Variants in ELAPOR2 observed in about 807,000 individuals in gnomAD.
ELAPOR2 encodes endosome/lysosome-associated apoptosis and autophagy regulator family member 2.
Under a neutral mutation model 120.7 loss-of-function variants are expected in ELAPOR2, and 89 were observed. The observed-to-expected ratio is 0.74, with a 90% CI of 0.62 to 0.88. The LOEUF is 0.88. Among genes scored for constraint, ELAPOR2 ranks in the 40% least tolerant of loss-of-function variants. ELAPOR2 has a pLI of 0.00. For missense variants in ELAPOR2, 1,134 were observed against 1,251.6 expected (o/e 0.91, Z 1.42); for synonymous variants, 444 against 444.9 (o/e 1.00, Z 0.03).
At chr7:87,002,340 T>C (rs1286838689) in intron 1 of ELAPOR2, among the ~76,000 whole-genome samples, 1 of 152,058 alleles carries the variant, frequency 6.6e-6, no homozygotes, top group Non-Finnish European at 1.5e-5. Context: ...GAGAAAGCAA[T>C]GGGGTAGAGG....
chr7:86,964,762 G>T, intron 2 of ELAPOR2, 142 bp downstream of exon 2: 1 of 731,664 alleles, frequency 1.4e-6, no homozygotes, highest in Non-Finnish European at 2.2e-6. Context: ...GATGAGAAAG[G>T]CTGCATTTAT....
intron 1 of ELAPOR2, among the ~76,000 whole-genome samples, chr7:87,023,937 G>C (rs1433332072): frequency 2.6e-5 from 4 of 152,198 alleles, no homozygotes; most frequent in Non-Finnish European, 5.9e-5. Context: ...CTTTGCTGAA[G>C]TTGCTTATCA....
intron 1 of ELAPOR2, among the ~76,000 whole-genome samples, chr7:86,987,136 T>C (rs1165445971): frequency 7.2e-5 from 11 of 152,258 alleles, no homozygotes; most frequent in African/African-American, 2.4e-4. Context: ...GAAAACTGGG[T>C]AGTCATATGT....
chr7:87,022,311 C>T (rs569779171), intron 1 of ELAPOR2, among the ~76,000 whole-genome samples: 26 of 146,610 alleles, frequency 1.8e-4, no homozygotes, highest in South Asian at 1.5e-3. Context: ...GTCCCACCTA[C>T]GAGTGAGAAC....
At chr7:86,925,408 G>T in intron 10 of ELAPOR2, 120 bp downstream of exon 10, 1 of 984,396 alleles carries the variant, frequency 1.0e-6, no homozygotes. Context: ...TGGGCAAGCA[G>T]CCAAATGATA....
At chr7:87,007,213 ACAAAT>A (rs1212179096) in intron 1 of ELAPOR2, among the ~76,000 whole-genome samples, 1 of 152,202 alleles carries the variant, frequency 6.6e-6, no homozygotes, top group Non-Finnish European at 1.5e-5. Flanking sequence ...AAAAAAGTAA[ACAAAT>A]ACAGAACCCT....
At chr7:87,050,204 G>A (rs1306497070) in intron 1 of ELAPOR2, among the ~76,000 whole-genome samples, 1 of 152,134 alleles carries the variant, frequency 6.6e-6, no homozygotes, top group African/African-American at 2.4e-5. Flanking sequence ...GCTTCATGGA[G>A]GTCAGATTAG....
At chr7:86,884,211 T>C (rs1799580289) in intron 21 of ELAPOR2, among the ~76,000 whole-genome samples, 1 of 152,172 alleles carries the variant, frequency 6.6e-6, no homozygotes, top group Non-Finnish European at 1.5e-5. Context: ...AAGAAAACTT[T>C]TTTATACTCT....
chr7:86,924,921 A>G (rs1789998959), intron 10 of ELAPOR2, among the ~76,000 whole-genome samples: 1 of 152,084 alleles, frequency 6.6e-6, no homozygotes, highest in Non-Finnish European at 1.5e-5. Flanking sequence ...ACCTACCCGT[A>G]GCATAAAGTT....
Position 86,912,948 on chromosome 7 carries a change from T to C in ELAPOR2, c.1988A>G (p.Asn663Ser). The C allele has an allele frequency of 1.2e-6, 2 of 1,613,832 alleles. No individual in the cohort carries two copies. The highest frequency in any genetic ancestry group is 1.7e-6 in the Non-Finnish European group (2 of 1,179,796). The change falls in exon 14 of 22, where the codon AAC (asparagine) becomes AGC (serine). Residue 663 changes from asparagine (N) to serine (S), a missense_variant. Physicochemically the swap from Asn to Ser is conservative, Grantham distance 46. Coordinates refer to ENST00000450689, the MANE Select transcript of ELAPOR2 (RefSeq NM_001142749.3). Reference protein sequence around the residue: ...ACIPCGPGSKNNQDHSVCYSD... With the variant: ...ACIPCGPGSKSNQDHSVCYSD... ...AAATGCAGACCCACTTACCTGATTG[T>C]TTTTACTCCCAGGCCCGCATGGAAT...
intron 1 of ELAPOR2, among the ~76,000 whole-genome samples, chr7:86,971,146 T>C (rs1792096435): frequency 6.6e-6 from 1 of 152,140 alleles, no homozygotes; most frequent in African/African-American, 2.4e-5. Flanking sequence ...CAAACCTAGA[T>C]CCCAACCTCA....
At chr7:87,012,134 G>A (rs187336002) in intron 1 of ELAPOR2, among the ~76,000 whole-genome samples, 23 of 152,204 alleles carry the variant, frequency 1.5e-4, no homozygotes, top group Non-Finnish European at 2.5e-4. Flanking sequence ...ATATCTGGCC[G>A]GGCGTGGTGG....
In ELAPOR2 at chr7:86,942,070, G is replaced by A; in HGVS notation, c.689C>T (p.Thr230Ile). 1 of 1,549,230 alleles carries A rather than the reference G, an allele frequency of 6.5e-7. No individual in the cohort carries two copies. Among genetic ancestry groups the A allele is most frequent in the Non-Finnish European group, 8.7e-7 (1 of 1,144,982 alleles). ...QNDQCQEMDTTTDKWVKLTDN... is the reference protein window; with the variant it reads ...QNDQCQEMDTITDKWVKLTDN... ...TGTAAGTTTTACCCACTTGTCAGTG[G>A]TGGTGTCCATCTCCTGGCACTGATC... The change falls in exon 5 of 22, where the codon ACC becomes ATC. Residue 230 changes from threonine to isoleucine, a missense_variant. Physicochemically the swap from Thr to Ile is moderately conservative, Grantham distance 89. Around this residue, in one of 3 missense-constraint regions of ELAPOR2, gnomAD observed 280 missense variants for 331.5 expected, o/e 0.84. Coordinates refer to ENST00000450689, the MANE Select transcript of ELAPOR2 (RefSeq NM_001142749.3).
intron 1 of ELAPOR2, among the ~76,000 whole-genome samples, chr7:87,020,672 T>C (rs1794009675): frequency 6.6e-6 from 1 of 152,106 alleles, no homozygotes. Context: ...TGGAGATGTT[T>C]TGGAGTGTTA....
At chr7:86,914,137 A>T (rs903109163) in intron 13 of ELAPOR2, among the ~76,000 whole-genome samples, 3 of 152,190 alleles carry the variant, frequency 2.0e-5, no homozygotes, top group Non-Finnish European at 4.4e-5. Context: ...GGAAGGTTAC[A>T]TCTATAGAGA....
intron 21 of ELAPOR2, among the ~76,000 whole-genome samples, chr7:86,889,927 C>T (rs1343882559): frequency 6.6e-6 from 1 of 151,772 alleles, no homozygotes; most frequent in African/African-American, 2.4e-5. Flanking sequence ...GAGTCTGGGA[C>T]CCTGAGGGTA....
intron 8 of ELAPOR2, among the ~76,000 whole-genome samples, chr7:86,934,219 A>G (rs1790461849): frequency 6.6e-6 from 1 of 151,920 alleles, no homozygotes; most frequent in Non-Finnish European, 1.5e-5. Flanking sequence ...TCTCCTTGAG[A>G]CTTTCATAAC....
chr7:86,892,738 A>G (rs567912594), intron 20 of ELAPOR2, among the ~76,000 whole-genome samples, 184 bp downstream of exon 20: 1 of 152,148 alleles, frequency 6.6e-6, no homozygotes, highest in East Asian at 1.9e-4. Context: ...TGATCTTTCT[A>G]CTGTCAGAAT....
intron 8 of ELAPOR2, among the ~76,000 whole-genome samples, chr7:86,934,507 G>A (rs1235147099): frequency 6.6e-6 from 1 of 151,908 alleles, no homozygotes; most frequent in Non-Finnish European, 1.5e-5. Flanking sequence ...CTGTTCAGGA[G>A]TATCAGCCTT....
Sources: allele counts gnomAD v4.1 joint callset (sites outside exome capture counted in the v4.1 genomes callset), GRCh38; gene constraint gnomAD v4.1.1; regional missense constraint gnomAD v4.1.1; transcripts MANE v1.5; gene names NCBI Gene and HGNC (gene_info 2026-07-23, HGNC 2026-07-21).